The following NIBAN2 variants were observed in gnomAD, a reference collection of about 807,000 sequenced individuals.
The protein encoded by NIBAN2 is protein Niban 2.
A neutral mutation model predicts 81.8 loss-of-function variants in NIBAN2; 36 were observed. That is an observed-to-expected ratio of 0.44 (90% CI 0.34 to 0.58). The LOEUF (loss-of-function observed/expected upper bound fraction) is 0.58. Ranked by LOEUF, NIBAN2 falls within the 20% of genes least tolerant of loss-of-function variation. The pLI, the probability that NIBAN2 is intolerant of heterozygous loss-of-function variation, is 0.02. For synonymous variants in NIBAN2, 445 were observed against 441.6 expected (o/e 1.01, Z -0.10); for missense variants, 897 against 1,014.1 (o/e 0.88, Z 1.57).
intron 1 of NIBAN2, among the ~76,000 whole-genome samples, chr9:127,546,871 G>A (rs755395404): frequency 6.6e-6 from 1 of 151,874 alleles, no homozygotes; most frequent in Non-Finnish European, 1.5e-5. Flanking sequence ...AAGCACAGGA[G>A]GTCACAGGAG....
Position 127,506,708 on chromosome 9 carries a change from C to T in NIBAN2, c.*137G>A, listed in dbSNP as rs1013569929. ...CAATAAAGTGACTCAGGTGGGCCCG[C>T]TCCCTGGCGGTGCCACACAGCCCTG... On this transcript the variant is annotated 3_prime_UTR_variant, in exon 14 of 14. Coordinates refer to ENST00000373312, the MANE Select transcript of NIBAN2 (RefSeq NM_022833.4). The T allele has an allele frequency of 4.4e-6, 3 of 676,092 alleles. No homozygotes were observed. Among genetic ancestry groups the T allele is most frequent in the African/African-American group, 3.7e-5 (2 of 54,054 alleles). The allele number at this position is 676,092 out of a possible 1,614,324, so 41.9% of individuals were successfully genotyped here.
intron 1 of NIBAN2, among the ~76,000 whole-genome samples, chr9:127,564,693 T>C (rs1487573648): frequency 1.3e-5 from 2 of 151,948 alleles, no homozygotes; most frequent in Admixed American, 6.6e-5. Flanking sequence ...GCCAACATGG[T>C]GAAACCCTGT....
At chr9:127,539,538 C>G (rs1837340110) in intron 1 of NIBAN2, among the ~76,000 whole-genome samples, 1 of 152,178 alleles carries the variant, frequency 6.6e-6, no homozygotes, top group Non-Finnish European at 1.5e-5. Context: ...GGTGGAGAAT[C>G]ATCCGACCCA....
At chr9:127,572,736 C>A (rs954045748), upstream of NIBAN2, among the ~76,000 whole-genome samples, 1 of 151,700 alleles carries the variant, frequency 6.6e-6, no homozygotes, top group Admixed American at 6.6e-5. Flanking sequence ...TAAATTGTTG[C>A]GAGGATTTTT....
upstream of NIBAN2, among the ~76,000 whole-genome samples, chr9:127,571,583 C>G (rs1194886382): frequency 6.6e-6 from 1 of 152,188 alleles, no homozygotes; most frequent in Admixed American, 6.5e-5. Flanking sequence ...GTAGTCCCAG[C>G]TGCTCAGAAG....
intron 1 of NIBAN2, chr9:127,561,287 G>A: frequency 1.0e-6 from 1 of 985,546 alleles, no homozygotes; most frequent in Non-Finnish European, 1.2e-6. Context: ...GGAAAGGAGT[G>A]GGTCATGTCA....
At position 127,545,263 on chromosome 9, in the gene NIBAN2, C is replaced by T. The variant is rs973901069; in HGVS notation, c.56-13485G>A. On this transcript the variant is annotated intron_variant, in intron 1 of 13. Coordinates refer to ENST00000373312, the MANE Select transcript of NIBAN2 (RefSeq NM_022833.4). This position sits in a 1 kb window ranked among gnomAD's most constrained non-coding sequence, Gnocchi z 4.7. ...CTCCCTCCAGACAAGTCCCGGCCTC[C>T]CAGGTCTCCACAGCCTCCCTGGCCT... 6.6e-6 allele frequency among the ~76,000 whole-genome samples: 1 copy of T among 152,172 alleles called. No homozygotes were observed. The highest frequency in any genetic ancestry group is 1.5e-5 in the Non-Finnish European group (1 of 68,020).
chr9:127,567,171 G>A (rs940835362), intron 1 of NIBAN2, among the ~76,000 whole-genome samples: 2 of 152,092 alleles, frequency 1.3e-5, no homozygotes, highest in African/African-American at 4.8e-5. Context: ...GAGACGGGAA[G>A]ACAGGGAGGC....
rs140999003 is a variant in NIBAN2 at position 127,507,364 on chromosome 9, G to A, written c.1722C>T (p.Ser574=). ...CGGCCAGCAGGTGCAGGTTGGGGTC[G>A]CTGTTGTGCATGACCATGCTGTCCC... is the stretch of plus-strand genomic sequence containing the variant. The part of the protein sequence containing the change: ...LYRDSMVMHN[S]DPNLHLLAEG... Residue 574 remains serine, a synonymous_variant, in exon 14 of 14, where the codon AGC becomes AGT. Coordinates refer to ENST00000373312, the MANE Select transcript of NIBAN2 (RefSeq NM_022833.4). The surrounding 1 kb of genome is among the most constrained non-coding windows in gnomAD (Gnocchi z 6.8). 16 of 1,536,142 alleles carry A rather than the reference G, an allele frequency of 1.0e-5. No homozygotes were observed. The highest frequency in any genetic ancestry group is 4.1e-5 in the African/African-American group (3 of 72,386).
At chr9:127,524,528 G>A (rs1265633090) in intron 4 of NIBAN2, among the ~76,000 whole-genome samples, 1 of 152,116 alleles carries the variant, frequency 6.6e-6, no homozygotes, top group African/African-American at 2.4e-5. Context: ...GGGGTGACTC[G>A]CCCAAGCAGA....
intron 1 of NIBAN2, among the ~76,000 whole-genome samples, chr9:127,548,955 G>C (rs1347252967): frequency 6.6e-6 from 1 of 152,190 alleles, no homozygotes; most frequent in African/African-American, 2.4e-5. Context: ...AAGGGACCCT[G>C]GCGGGTAGGG....
At chr9:127,513,357 G>A (rs1836770009) in intron 8 of NIBAN2, among the ~76,000 whole-genome samples, 1 of 152,196 alleles carries the variant, frequency 6.6e-6, no homozygotes, top group Admixed American at 6.5e-5. Context: ...AGAAATGTCA[G>A]AGGCATTTGA....
chr9:127,576,114 G>A (rs570618959), intron 1 of NIBAN2, among the ~76,000 whole-genome samples: 17 of 152,280 alleles, frequency 1.1e-4, no homozygotes, highest in African/African-American at 3.1e-4. Flanking sequence ...AGCGTCAGTC[G>A]CAATGGGAGC....
chr9:127,566,938 C>T (rs1336526949), intron 1 of NIBAN2, among the ~76,000 whole-genome samples: 1 of 148,100 alleles, frequency 6.8e-6, no homozygotes, highest in South Asian at 2.2e-4. Flanking sequence ...TGAGTCTGGA[C>T]CAGGAATTCG....
intron 1 of NIBAN2, among the ~76,000 whole-genome samples, chr9:127,567,939 C>G (rs1321841927): frequency 6.6e-6 from 1 of 152,324 alleles, no homozygotes; most frequent in East Asian, 1.9e-4. Context: ...CAGGGCAGCT[C>G]CACCAGCCAG....
In NIBAN2 at chr9:127,531,696, A is replaced by G. The variant is rs772265354; in HGVS notation, c.138T>C (p.His46=). The change falls in exon 2 of 14, where the codon CAT becomes CAC. Residue 46 remains histidine, a synonymous_variant. Coordinates refer to ENST00000373312, the MANE Select transcript of NIBAN2 (RefSeq NM_022833.4). ...YGVALFNSMR[H]EIEGTGLPQA... ...GCGGCAGCCCCGTGCCCTCAATCTC[A>G]TGGCGCATGCTGTTGAAGAGAGCCA... 4 of 1,607,738 alleles carry G rather than the reference A, an allele frequency of 2.5e-6. No individual in the cohort carries two copies. The highest frequency in any genetic ancestry group is 3.3e-5 in the Admixed American group (2 of 59,980).
chr9:127,569,510 C>T (rs557696346), upstream of NIBAN2, among the ~76,000 whole-genome samples: 3 of 152,114 alleles, frequency 2.0e-5, no homozygotes, highest in African/African-American at 7.2e-5. Context: ...CCAACCTTGC[C>T]CGCGCGGGAA....
chr9:127,538,761 A>G (rs7036721), intron 1 of NIBAN2, among the ~76,000 whole-genome samples: 20,825 of 151,752 alleles, frequency 0.14, 1,729 homozygotes, highest in Admixed American at 0.28. Flanking sequence ...CCTGGCCAAC[A>G]TGGTGAAACC....
At chr9:127,526,198 A>C (rs1837059731) in intron 3 of NIBAN2, among the ~76,000 whole-genome samples, 1 of 152,000 alleles carries the variant, frequency 6.6e-6, no homozygotes, top group African/African-American at 2.4e-5. Flanking sequence ...TCAGGAGATC[A>C]AGACCATCCG....
Sources: gnomAD v4.1 joint callset for allele counts (sites outside exome capture counted in the v4.1 genomes callset) on GRCh38, gnomAD v4.1.1 for gene constraint, Gnocchi (gnomAD v3.1) non-coding constraint, MANE v1.5 for transcripts, NCBI Gene and HGNC (gene_info 2026-07-23, HGNC 2026-07-21) for gene names.